CDH13: variants seen among roughly 807,000 people sequenced by gnomAD.
CDH13 encodes cadherin 13, also known as cadherin-13.
CDH13 carries 24 observed loss-of-function variants against 63.8 expected under a neutral mutation model. The ratio of observed to expected loss-of-function variants is 0.38; its 90% CI spans 0.27 to 0.53. The LOEUF (loss-of-function observed/expected upper bound fraction) is 0.53, where lower values mean the gene tolerates loss of function less well. Ranked by LOEUF, CDH13 falls within the 20% of genes least tolerant of loss-of-function variation. The pLI, the probability that CDH13 is intolerant of heterozygous loss-of-function variation, is 0.85. For missense variants in CDH13, 1,049 were observed against 903.1 expected (o/e 1.16, Z -2.07); for synonymous variants, 503 against 355.3 (o/e 1.42, Z -4.67).
intron 1 of CDH13, among the ~76,000 whole-genome samples, chr16:82,700,033 T>C (rs2030790986): frequency 6.6e-6 from 1 of 152,132 alleles, no homozygotes; most frequent in South Asian, 2.1e-4. Flanking sequence ...AGTTCGCCTG[T>C]TACAGAAGTT....
intron 2 of CDH13, among the ~76,000 whole-genome samples, chr16:82,876,468 T>G (rs1013172737): frequency 2.6e-5 from 4 of 152,214 alleles, no homozygotes; most frequent in Non-Finnish European, 5.9e-5. Context: ...AGTAATATAA[T>G]GAAAATCAAG....
At chr16:83,004,247 C>A (rs1320443464) in intron 2 of CDH13, among the ~76,000 whole-genome samples, 1 of 152,062 alleles carries the variant, frequency 6.6e-6, no homozygotes, top group Non-Finnish European at 1.5e-5. Context: ...GATAGGGAAG[C>A]AGGAGGAAAG....
At position 83,718,102 on chromosome 16, in the gene CDH13, A is replaced by T. The variant is rs1909188813; in HGVS notation, c.1539-30006A>T. On this transcript the variant is annotated intron_variant, in intron 10 of 13. Transcript: ENST00000567109. ...ATGCTGAGACAAGGGTTAGGGTGAA[A>T]ATAGTTTAGTTGGCAGAAAATCCCA... Among the ~76,000 whole-genome samples the T allele has an allele frequency of 1.3e-5, 2 of 152,188 alleles. 1 individual carries two copies. The highest frequency in any genetic ancestry group is 4.1e-4 in the South Asian group (2 of 4,822).
intron 11 of CDH13, among the ~76,000 whole-genome samples, chr16:83,767,186 A>G (rs578008464): frequency 3.9e-5 from 6 of 151,968 alleles, no homozygotes; most frequent in East Asian, 1.9e-4. Context: ...TGTAACATGT[A>G]TATCTAGTCC....
intron 6 of CDH13, among the ~76,000 whole-genome samples, chr16:83,461,182 T>C (rs1301701639): frequency 6.6e-6 from 1 of 152,170 alleles, no homozygotes; most frequent in Admixed American, 6.5e-5. Context: ...TTGCTATATG[T>C]TGTATATGCA....
chr16:82,687,563 T>C (rs1728087465), intron 1 of CDH13, among the ~76,000 whole-genome samples: 1 of 152,132 alleles, frequency 6.6e-6, no homozygotes, highest in Admixed American at 6.5e-5. Flanking sequence ...GGAACTCCCA[T>C]GTATAAAACC....
intron 5 of CDH13, among the ~76,000 whole-genome samples, chr16:83,236,237 G>GCACACACACA (rs3049880): frequency 0.048 from 7,118 of 148,860 alleles, 154 homozygotes; most frequent in Admixed American, 0.06. Context: ...ACACGCACAT[G>GCACACACACA]CACACACACA....
At chr16:83,251,013 G>A (rs913045053) in intron 5 of CDH13, among the ~76,000 whole-genome samples, 5 of 151,890 alleles carry the variant, frequency 3.3e-5, no homozygotes, top group Non-Finnish European at 5.9e-5. Context: ...TTTTTCTCCT[G>A]CTCCTCATCC....
chr16:82,689,315 A>G (rs1915402432), intron 1 of CDH13, among the ~76,000 whole-genome samples: 1 of 152,168 alleles, frequency 6.6e-6, no homozygotes, highest in Non-Finnish European at 1.5e-5. Flanking sequence ...ACTGCTATTA[A>G]AAATGTATTC....
At chr16:82,635,370 G>A (rs571818490) in intron 1 of CDH13, among the ~76,000 whole-genome samples, 3 of 152,354 alleles carry the variant, frequency 2.0e-5, no homozygotes, top group South Asian at 4.1e-4. Flanking sequence ...GTGTGGGTGG[G>A]GAAAGGCATT....
chr16:83,734,064 T>A (rs931670305), intron 10 of CDH13, among the ~76,000 whole-genome samples: 1 of 152,128 alleles, frequency 6.6e-6, no homozygotes, highest in Non-Finnish European at 1.5e-5. Flanking sequence ...CCTCCCCTCC[T>A]GTGACCATCC....
chr16:83,793,552 C>G (rs1010274566), intron 13 of CDH13, among the ~76,000 whole-genome samples: 2 of 152,114 alleles, frequency 1.3e-5, no homozygotes, highest in African/African-American at 2.4e-5. Context: ...CATGAGATGC[C>G]TTTTTTCCTC....
At chr16:83,022,919 T>C (rs1196711865) in intron 2 of CDH13, 1 of 152,222 alleles carries the variant, frequency 6.6e-6, no homozygotes, top group East Asian at 1.9e-4. Flanking sequence ...CAAGCAGGAC[T>C]GTTCTATATT....
chr16:82,731,313 G>A lies in CDH13; in HGVS notation c.45+104176G>A, dbSNP rs114383574. ...AGAATATACATATATAAATAAATGA[G>A]TATGGCTGTGTTTCAATAAAACTTT... On this transcript the variant is annotated intron_variant, in intron 1 of 13. Transcript: ENST00000567109. Among the ~76,000 whole-genome samples, 712 of 152,324 alleles carry A rather than the reference G, an allele frequency of 4.7e-3. 6 individuals carry two copies. The highest frequency in any genetic ancestry group is 0.016 in the African/African-American group (682 of 41,558).
At chr16:83,523,376 C>T (rs79163676) in intron 7 of CDH13, among the ~76,000 whole-genome samples, 9,232 of 152,298 alleles carry the variant, frequency 0.061, 412 homozygotes, top group Middle Eastern at 0.099. Flanking sequence ...TCATGATGAC[C>T]TAGCCCATGC....
At chr16:83,377,231 AT>A (rs1482782650) in intron 6 of CDH13, among the ~76,000 whole-genome samples, 1 of 152,220 alleles carries the variant, frequency 6.6e-6, no homozygotes, top group Non-Finnish European at 1.5e-5. Flanking sequence ...TGAATTAAAC[AT>A]AAAAAGGAGG....
At chr16:83,143,386 C>T (rs997241145) in intron 4 of CDH13, among the ~76,000 whole-genome samples, 1 of 152,052 alleles carries the variant, frequency 6.6e-6, no homozygotes, top group African/African-American at 2.4e-5. Flanking sequence ...CATATACATA[C>T]TATAAAACTC....
rs899362828 is a variant in CDH13, at chr16:83,625,747, C to T, written c.1101+23153C>T. On this transcript the variant is annotated intron_variant, in intron 8 of 13. Transcript: ENST00000567109. ...TCCCTAGCTCAAGAAGGGGCAGCCC[C>T]CACCCCCTGAAATTAGGGAGGGGAG... 4.6e-5 allele frequency among the ~76,000 whole-genome samples: 7 copies of T among 152,298 alleles called. No individual in the cohort carries two copies. In the East Asian group the frequency reaches 1.4e-3, roughly 29 times the overall value.
At chr16:83,617,032 C>A (rs923265088) in intron 8 of CDH13, among the ~76,000 whole-genome samples, 1 of 152,300 alleles carries the variant, frequency 6.6e-6, no homozygotes, top group East Asian at 1.9e-4. Flanking sequence ...TTTGTTACTT[C>A]CTCTTCCTTG....
Sources: allele counts gnomAD v4.1 joint callset (sites outside exome capture counted in the v4.1 genomes callset), GRCh38; gene constraint gnomAD v4.1.1; transcripts MANE v1.5; gene names NCBI Gene and HGNC (gene_info 2026-07-23, HGNC 2026-07-21).